NALCN: variants seen among roughly 807,000 people sequenced by gnomAD.
NALCN encodes sodium leak channel NALCN.
NALCN carries 111 observed loss-of-function variants against 225.3 expected under a neutral mutation model. That is an observed-to-expected ratio of 0.49 (90% CI 0.42 to 0.58). NALCN has a LOEUF of 0.58. Among genes scored for constraint, NALCN ranks in the 20% least tolerant of loss-of-function variants. The pLI is 0.00. For missense variants in NALCN, 1,378 were observed against 2,202.4 expected, an observed-to-expected ratio of 0.63 and a Z score of 7.49; for synonymous variants, 764 against 769.0, an observed-to-expected ratio of 0.99 and a Z score of 0.11.
intron 13 of NALCN, among the ~76,000 whole-genome samples, chr13:101,226,515 G>A (rs2041148119): frequency 6.6e-6 from 1 of 152,132 alleles, no homozygotes. Flanking sequence ...TGGAAAAGAT[G>A]GCCAGCTGAT....
intron 10 of NALCN, among the ~76,000 whole-genome samples, chr13:101,267,947 T>A (rs1247020147): frequency 6.6e-6 from 1 of 152,172 alleles, no homozygotes; most frequent in Admixed American, 6.5e-5. Flanking sequence ...CAGCTTACTA[T>A]TACTGAAGTG....
chr13:101,159,396 T>A (rs1321020649), intron 15 of NALCN, among the ~76,000 whole-genome samples: 2 of 152,194 alleles, frequency 1.3e-5, no homozygotes, highest in Admixed American at 1.3e-4. Flanking sequence ...CAGCTCTTCA[T>A]CATGGCTTGC....
chr13:101,289,945 G>C (rs1482720023), intron 9 of NALCN, among the ~76,000 whole-genome samples: 1 of 152,142 alleles, frequency 6.6e-6, no homozygotes, highest in African/African-American at 2.4e-5. Flanking sequence ...CCTGAAGCTC[G>C]TTGCTAGGCT....
intron 15 of NALCN, among the ~76,000 whole-genome samples, chr13:101,151,001 A>G (rs1019125716): frequency 3.9e-5 from 6 of 152,220 alleles, no homozygotes; most frequent in Non-Finnish European, 5.9e-5. Context: ...CCGAGAGATC[A>G]AATGATAGCT....
At chr13:101,245,806 A>G (rs2041877607) in intron 11 of NALCN, among the ~76,000 whole-genome samples, 1 of 152,044 alleles carries the variant, frequency 6.6e-6, no homozygotes, top group East Asian at 1.9e-4. Context: ...GCAAACCCCC[A>G]CCTTTTCTGT....
chr13:101,260,240 C>A lies in NALCN; in HGVS notation c.1135-1666G>T, dbSNP rs140154764. ...ACTATGGTTGAATAGTGCTCCATTA[C>A]GCATATGTACTGTATTTTCTTTATC... On this transcript the variant is annotated intron_variant, in intron 10 of 43. Coordinates refer to ENST00000251127, the MANE Select transcript of NALCN (RefSeq NM_052867.4). Among the ~76,000 whole-genome samples, 1,151 of 152,252 alleles carry A rather than the reference C, an allele frequency of 7.6e-3. 18 individuals carry two copies. The highest frequency in any genetic ancestry group is 0.027 in the African/African-American group (1,113 of 41,536).
intron 17 of NALCN, chr13:101,142,739 G>A: frequency 3.2e-6 from 1 of 315,578 alleles, no homozygotes. Context: ...ATAAGCAGTT[G>A]TACTTGCAGG....
chr13:101,223,789 A>C (rs1286927632), intron 13 of NALCN, among the ~76,000 whole-genome samples: 1 of 152,118 alleles, frequency 6.6e-6, no homozygotes, highest in African/African-American at 2.4e-5. Flanking sequence ...ATGGGAGACC[A>C]CTTGCCCCTT....
chr13:101,347,177 G>A (rs1201978865), intron 6 of NALCN, among the ~76,000 whole-genome samples: 6 of 147,988 alleles, frequency 4.1e-5, no homozygotes, highest in South Asian at 2.1e-4. Context: ...CCCATGGCTG[G>A]TGATACTTTG....
At chr13:101,386,538 A>C (rs1265164948) in intron 3 of NALCN, among the ~76,000 whole-genome samples, 2 of 152,086 alleles carry the variant, frequency 1.3e-5, no homozygotes, top group African/African-American at 4.8e-5. Flanking sequence ...TCATTCTTAT[A>C]TTACATTTAT....
intron 7 of NALCN, among the ~76,000 whole-genome samples, chr13:101,344,393 C>T (rs115440149): frequency 0.02 from 3,072 of 152,048 alleles, 111 homozygotes; most frequent in African/African-American, 0.07. Flanking sequence ...AGATGAAAAC[C>T]TGAGATGTTA....
intron 11 of NALCN, among the ~76,000 whole-genome samples, chr13:101,246,529 A>T (rs549482828): frequency 3.3e-5 from 5 of 152,214 alleles, no homozygotes; most frequent in Non-Finnish European, 7.3e-5. Flanking sequence ...TATAGTGTAT[A>T]TCAGTATGTT....
At chr13:101,227,436 T>C (rs73560740) in intron 13 of NALCN, among the ~76,000 whole-genome samples, 13,754 of 152,040 alleles carry the variant, frequency 0.09, 1,852 homozygotes, top group African/African-American at 0.29. Context: ...AACCCAGAGA[T>C]TGACTCCTTG....
intron 10 of NALCN, among the ~76,000 whole-genome samples, chr13:101,280,664 G>C (rs192437600): frequency 6.6e-6 from 1 of 152,154 alleles, no homozygotes; most frequent in East Asian, 1.9e-4. Context: ...ATGATTACTT[G>C]CATATTTTTT....
chr13:101,265,219 C>G (rs1384182569), intron 10 of NALCN, among the ~76,000 whole-genome samples: 2 of 152,212 alleles, frequency 1.3e-5, no homozygotes, highest in African/African-American at 2.4e-5. Flanking sequence ...CAGCTCAAAT[C>G]ACCTTCTATG....
At chr13:101,155,681 C>A (rs1411919021) in intron 15 of NALCN, among the ~76,000 whole-genome samples, 1 of 152,102 alleles carries the variant, frequency 6.6e-6, no homozygotes, top group East Asian at 1.9e-4. Context: ...TCACTGACTC[C>A]AACTGACACT....
intron 34 of NALCN, 143 bp downstream of exon 34, chr13:101,081,384 A>T: frequency 1.7e-6 from 2 of 1,152,120 alleles, no homozygotes; most frequent in Non-Finnish European, 1.2e-6. Context: ...AGAGCCCATC[A>T]CAGTCAAAGC....
intron 26 of NALCN, among the ~76,000 whole-genome samples, chr13:101,102,776 A>C (rs2139605975): frequency 6.6e-6 from 1 of 152,310 alleles, no homozygotes; most frequent in South Asian, 2.1e-4. Context: ...TCAGGAACAC[A>C]CAGAATGAGA....
At chr13:101,220,381 A>G (rs1229036744) in intron 13 of NALCN, among the ~76,000 whole-genome samples, 1 of 152,188 alleles carries the variant, frequency 6.6e-6, no homozygotes, top group African/African-American at 2.4e-5. Flanking sequence ...TATGTTTTTA[A>G]TCATCTCTCC....
Sources: gnomAD v4.1 joint callset for allele counts (sites outside exome capture counted in the v4.1 genomes callset) on GRCh38, gnomAD v4.1.1 for gene constraint, MANE v1.5 for transcripts, NCBI Gene and HGNC (gene_info 2026-07-23, HGNC 2026-07-21) for gene names.